Variants in CENPP observed in about 807,000 individuals in gnomAD.
CENPP encodes the protein centromere protein P.
Under a neutral mutation model 35.6 loss-of-function variants are expected in CENPP, and 24 were observed. The observed-to-expected ratio is 0.67, with a 90% CI of 0.49 to 0.95. The LOEUF is 0.95. Ranked by LOEUF, CENPP falls within the 40% of genes least tolerant of loss-of-function variation. CENPP has a pLI of 0.00. For missense variants in CENPP, 332 were observed against 345.3 expected (o/e 0.96, Z 0.31); for synonymous variants, 120 against 125.5 (o/e 0.96, Z 0.29).
chr9:92,595,568 G>GT (rs1228491857), intron 5 of CENPP, among the ~76,000 whole-genome samples: 2 of 149,914 alleles, frequency 1.3e-5, no homozygotes, highest in Non-Finnish European at 3.0e-5. Context: ...TTTTTGTTTT[G>GT]TTTTTTGTTT....
intron 5 of CENPP, among the ~76,000 whole-genome samples, chr9:92,516,481 A>C (rs1170226471): frequency 6.6e-6 from 1 of 152,238 alleles, no homozygotes; most frequent in African/African-American, 2.4e-5. Context: ...AATTATTTGG[A>C]GAAATTACTT....
intron 5 of CENPP, among the ~76,000 whole-genome samples, chr9:92,448,084 A>G (rs1844598226): frequency 6.6e-6 from 1 of 152,200 alleles, no homozygotes; most frequent in African/African-American, 2.4e-5. Context: ...ACTAAAGGAC[A>G]ACCAGAAAAG....
chr9:92,497,873 TTA>T (rs1491494505), intron 5 of CENPP, among the ~76,000 whole-genome samples: 4 of 104,216 alleles, frequency 3.8e-5, no homozygotes, highest in African/African-American at 7.1e-5. Context: ...AGCTGGTTGT[TTA>T]AAAAAAAAAA....
intron 5 of CENPP, among the ~76,000 whole-genome samples, chr9:92,496,932 A>G (rs1846378667): frequency 6.6e-6 from 1 of 150,778 alleles, no homozygotes; most frequent in Non-Finnish European, 1.5e-5. Flanking sequence ...TTTTATTTAT[A>G]AGGTTTGCAA....
chr9:92,486,094 TA>T (rs1455134387), intron 5 of CENPP, among the ~76,000 whole-genome samples: 1 of 152,098 alleles, frequency 6.6e-6, no homozygotes, highest in African/African-American at 2.4e-5. Flanking sequence ...AGAAGCAGGA[TA>T]GGGGTGGGGG....
At chr9:92,589,509 A>G (rs1337940415) in intron 5 of CENPP, among the ~76,000 whole-genome samples, 1 of 152,144 alleles carries the variant, frequency 6.6e-6, no homozygotes, top group Non-Finnish European at 1.5e-5. Flanking sequence ...TTGTCTGTCA[A>G]CCCTAACCCA....
chr9:92,601,201 T>C (rs1234516830), intron 5 of CENPP, among the ~76,000 whole-genome samples: 1 of 152,122 alleles, frequency 6.6e-6, no homozygotes. Context: ...AAAACACAAA[T>C]AGAGTCTAGA....
At chr9:92,477,187 G>A (rs1845742369) in intron 5 of CENPP, among the ~76,000 whole-genome samples, 1 of 152,166 alleles carries the variant, frequency 6.6e-6, no homozygotes, top group African/African-American at 2.4e-5. Flanking sequence ...GCAGGTTGAT[G>A]TTTCGTATTC....
intron 5 of CENPP, among the ~76,000 whole-genome samples, chr9:92,484,462 T>C (rs1346106475): frequency 6.6e-6 from 1 of 152,236 alleles, no homozygotes; most frequent in East Asian, 1.9e-4. Context: ...TGTCACTGTA[T>C]AGTATTCTCA....
chr9:92,612,520 C>T lies in CENPP; in HGVS notation c.645-3C>T, dbSNP rs773933993. ...ATAACGACATGTTTTACTGCTTTTT[C>T]AGGTTTGAATTAGTCATTGTTTGGA... On this transcript the variant is annotated splice_region_variant and splice_polypyrimidine_tract_variant and intron_variant, in intron 6 of 7. Transcript: ENST00000375587. 2 of 1,610,786 alleles carry T rather than the reference C, an allele frequency of 1.2e-6. No homozygotes were observed. Among genetic ancestry groups the T allele is most frequent in the Non-Finnish European group, 1.7e-6 (2 of 1,177,034 alleles).
intron 5 of CENPP, among the ~76,000 whole-genome samples, chr9:92,519,550 T>G (rs964104827): frequency 6.6e-5 from 10 of 152,162 alleles, no homozygotes; most frequent in African/African-American, 2.4e-4. Flanking sequence ...TCAAGACCAT[T>G]CAGTGGAGGA....
At position 92,463,653 on chromosome 9, in the gene CENPP, A is replaced by G. The variant is rs146316968; in HGVS notation, c.564+83794A>G. ...CTTTTCCTTGTCTTCACTCTCCTTTACTGGATGTTATCTTCCAGCAGATGA... is the reference window on the plus strand; with the variant it reads ...CTTTTCCTTGTCTTCACTCTCCTTTGCTGGATGTTATCTTCCAGCAGATGA... On this transcript the variant is annotated intron_variant, in intron 5 of 7. Transcript: ENST00000375587. Among the ~76,000 whole-genome samples, 103 of 151,980 alleles carry G rather than the reference A, an allele frequency of 6.8e-4. 1 individual carries two copies. Among genetic ancestry groups the G allele is most frequent in the Admixed American group, 1.7e-3 (26 of 15,268 alleles).
At chr9:92,330,576 A>G (rs1840708418) in intron 1 of CENPP, among the ~76,000 whole-genome samples, 2 of 152,172 alleles carry the variant, frequency 1.3e-5, no homozygotes, top group South Asian at 4.1e-4. Context: ...TATAGAATGT[A>G]GCAGAGTGTT....
At position 92,415,212 on chromosome 9, in the gene CENPP, G is replaced by T. The variant is rs946061323; in HGVS notation, c.564+35353G>T. On this transcript the variant is annotated intron_variant, in intron 5 of 7. Coordinates refer to ENST00000375587, the MANE Select transcript of CENPP (RefSeq NM_001012267.3). ...GCCCTTCTGCTCCTTCTTGTTCTGG[G>T]CTCTCATGAGCATTGTCAGGATCAT... The T allele has an allele frequency of 1.1e-5, 17 of 1,613,478 alleles. No individual in the cohort carries two copies. The Admixed American group carries it at 1.7e-4, about 16-fold the overall frequency.
chr9:92,327,852 G>A (rs776410270), intron 1 of CENPP, among the ~76,000 whole-genome samples: 3 of 152,166 alleles, frequency 2.0e-5, no homozygotes, highest in African/African-American at 7.2e-5. Context: ...TTAAAGGTAG[G>A]GGGTATGTGA....
chr9:92,352,735 A>T (rs916704689), intron 4 of CENPP, among the ~76,000 whole-genome samples: 1 of 151,230 alleles, frequency 6.6e-6, no homozygotes. Flanking sequence ...TAACCTTTTC[A>T]TGTGTTTCTG....
At chr9:92,515,249 T>C (rs749677524) in intron 5 of CENPP, 11 of 1,425,134 alleles carry the variant, frequency 7.7e-6, no homozygotes, top group Non-Finnish European at 1.0e-5. Flanking sequence ...GTTGATGATA[T>C]TAATAAAAGA....
At position 92,618,113 on chromosome 9, in the gene CENPP, C is replaced by T. The variant is rs773305561; in HGVS notation, c.*4964C>T. ...AGTTACTGGAACTTCACAGGTGCGG[C>T]CACTGCGCACACCTTCCTGGAAGCA... On this transcript the variant is annotated 3_prime_UTR_variant, in exon 8 of 8. Transcript: ENST00000375587. The T allele has an allele frequency of 5.0e-5, 20 of 397,300 alleles. No individual in the cohort carries two copies. The highest frequency in any genetic ancestry group is 3.5e-4 in the South Asian group (20 of 56,516). 24.6% of individuals were successfully genotyped at this position (397,300 alleles called of 1,614,324 possible).
At chr9:92,560,771 C>T (rs1016536288) in intron 5 of CENPP, among the ~76,000 whole-genome samples, 3 of 152,146 alleles carry the variant, frequency 2.0e-5, no homozygotes, top group Non-Finnish European at 2.9e-5. Context: ...TCTTATTCTA[C>T]CACCGTTCTG....
Sources: gnomAD v4.1 joint callset for allele counts (sites outside exome capture counted in the v4.1 genomes callset) on GRCh38, gnomAD v4.1.1 for gene constraint, MANE v1.5 for transcripts, NCBI Gene and HGNC (gene_info 2026-07-23, HGNC 2026-07-21) for gene names.